The following CCSER1 variants were observed in gnomAD, a reference collection of about 807,000 sequenced individuals.
CCSER1 encodes the protein coiled-coil serine rich protein 1.
CCSER1 carries 41 observed loss-of-function variants against 82.0 expected under a neutral mutation model. The ratio of observed to expected loss-of-function variants is 0.50; its 90% CI spans 0.39 to 0.65. The LOEUF (loss-of-function observed/expected upper bound fraction) is 0.65. CCSER1 is among the 30% of genes least tolerant of loss of function. CCSER1 has a pLI of 0.00. For synonymous variants in CCSER1, 414 were observed against 383.9 expected (o/e 1.08, Z -0.92); for missense variants, 1,119 against 1,064.2 (o/e 1.05, Z -0.72).
chr4:90,276,639 C>G (rs576281456), intron 1 of CCSER1, among the ~76,000 whole-genome samples: 46 of 152,078 alleles, frequency 3.0e-4, no homozygotes, highest in Admixed American at 1.2e-3. Context: ...AGCCACTGTG[C>G]CTGGCCTTGA....
chr4:90,448,132 C>T (rs941313798), intron 4 of CCSER1, among the ~76,000 whole-genome samples: 2 of 151,840 alleles, frequency 1.3e-5, no homozygotes, highest in African/African-American at 4.8e-5. Flanking sequence ...TCTTTTTCTC[C>T]TTTAAAAAAT....
intron 3 of CCSER1, among the ~76,000 whole-genome samples, chr4:90,374,398 CT>C (rs1747959263): frequency 6.6e-6 from 1 of 152,124 alleles, no homozygotes; most frequent in African/African-American, 2.4e-5. Context: ...GCAAATTCGC[CT>C]CCTTTTTTGG....
At chr4:90,333,279 C>A (rs1440492571) in intron 3 of CCSER1, among the ~76,000 whole-genome samples, 1 of 152,070 alleles carries the variant, frequency 6.6e-6, no homozygotes. Flanking sequence ...TGCTCTCTTG[C>A]CTACACAGTT....
intron 10 of CCSER1, among the ~76,000 whole-genome samples, chr4:91,413,914 A>G (rs1469303120): frequency 6.6e-6 from 1 of 152,148 alleles, no homozygotes; most frequent in Non-Finnish European, 1.5e-5. Context: ...AGAAAAAAAA[A>G]CTATCAACCA....
At chr4:91,106,008 T>G (rs572694611) in intron 10 of CCSER1, among the ~76,000 whole-genome samples, 1 of 152,344 alleles carries the variant, frequency 6.6e-6, no homozygotes, top group African/African-American at 2.4e-5. Flanking sequence ...TCTGTATTAT[T>G]ATCTGATAAT....
chr4:91,084,919 A>T (rs941496745), intron 9 of CCSER1, among the ~76,000 whole-genome samples: 2 of 152,102 alleles, frequency 1.3e-5, no homozygotes, highest in Non-Finnish European at 2.9e-5. Flanking sequence ...TTTAAACATA[A>T]ATGCTGTAGC....
Position 91,598,665 on chromosome 4 carries a change from G to C in CCSER1, c.2311G>C (p.Ala771Pro), listed in dbSNP as rs1187254938. Reference protein sequence around the residue: ...TPTEDRFRYSAADQTSPYKNK... With the variant: ...TPTEDRFRYSPADQTSPYKNK... ...CACCGAGGACCGTTTTAGGTATTCG[G>C]CAGCGGACCAGACAAGCCCCTACAA... The change falls in exon 11 of 11, where the codon GCA (alanine) becomes CCA (proline). Residue 771 changes from alanine to proline, a missense_variant. Transcript: ENST00000509176. 6.4e-7 allele frequency: 1 copy of C among 1,551,288 alleles called. No individual in the cohort carries two copies. Among genetic ancestry groups the C allele is most frequent in the Non-Finnish European group, 8.7e-7 (1 of 1,146,886 alleles).
intron 10 of CCSER1, among the ~76,000 whole-genome samples, chr4:91,314,872 C>A (rs563872160): frequency 1.2e-3 from 176 of 151,944 alleles, no homozygotes; most frequent in African/African-American, 4.0e-3. Context: ...GCAGGGCTCC[C>A]TAAAGGTAAT....
chr4:90,211,865 A>C (rs909425748), intron 1 of CCSER1, among the ~76,000 whole-genome samples: 1 of 152,214 alleles, frequency 6.6e-6, no homozygotes, highest in East Asian at 1.9e-4. Context: ...CTGTAGGCAG[A>C]ATAGACAGAA....
intron 5 of CCSER1, among the ~76,000 whole-genome samples, chr4:90,532,906 A>G (rs1387713001): frequency 3.9e-5 from 6 of 152,068 alleles, no homozygotes; most frequent in Non-Finnish European, 8.8e-5. Flanking sequence ...GTTTCTGTTC[A>G]GGTCACTTTA....
chr4:90,670,178 A>G (rs1435801841), intron 6 of CCSER1, among the ~76,000 whole-genome samples: 1 of 152,144 alleles, frequency 6.6e-6, no homozygotes, highest in African/African-American at 2.4e-5. Flanking sequence ...ATTGAATACT[A>G]AAGATGCCAA....
chr4:91,487,752 C>A (rs934002877), intron 10 of CCSER1, among the ~76,000 whole-genome samples: 15 of 151,968 alleles, frequency 9.9e-5, no homozygotes, highest in Admixed American at 4.6e-4. Flanking sequence ...GTATCTGGTA[C>A]AGTATAAATT....
intron 1 of CCSER1, among the ~76,000 whole-genome samples, chr4:90,278,664 A>T (rs2153459111): frequency 6.6e-6 from 1 of 151,970 alleles, no homozygotes; most frequent in East Asian, 1.9e-4. Flanking sequence ...ATAGACATTG[A>T]GGACCACTAG....
intron 10 of CCSER1, among the ~76,000 whole-genome samples, chr4:91,122,704 G>A (rs916782901): frequency 1.3e-5 from 2 of 151,468 alleles, no homozygotes; most frequent in African/African-American, 4.8e-5. Flanking sequence ...TCATTATGAA[G>A]AAGGTCAAAA....
intron 4 of CCSER1, among the ~76,000 whole-genome samples, chr4:90,440,617 A>G (rs553892936): frequency 2.6e-5 from 4 of 152,230 alleles, no homozygotes; most frequent in Admixed American, 2.0e-4. Flanking sequence ...GTGTAAGGGT[A>G]GGGTAGGCTT....
At chr4:90,893,586 C>A (rs947812235) in intron 8 of CCSER1, among the ~76,000 whole-genome samples, 5 of 152,000 alleles carry the variant, frequency 3.3e-5, no homozygotes, top group African/African-American at 1.2e-4. Context: ...AAGCTGTGGC[C>A]ACCCATTCAC....
intron 5 of CCSER1, among the ~76,000 whole-genome samples, chr4:90,589,007 A>T (rs1035478210): frequency 3.3e-5 from 5 of 152,208 alleles, no homozygotes; most frequent in African/African-American, 1.2e-4. Context: ...AGTGTAGTTG[A>T]ACTATTATTA....
At chr4:90,600,114 C>T (rs1213345752) in intron 5 of CCSER1, among the ~76,000 whole-genome samples, 1 of 152,026 alleles carries the variant, frequency 6.6e-6, no homozygotes, top group African/African-American at 2.4e-5. Context: ...CATTGACCTG[C>T]TAATGGATAT....
At chr4:90,541,880 A>G (rs1293783314) in intron 5 of CCSER1, among the ~76,000 whole-genome samples, 1 of 152,094 alleles carries the variant, frequency 6.6e-6, no homozygotes, top group African/African-American at 2.4e-5. Context: ...TTTAAAATGT[A>G]TTCAACAACA....
Sources: allele counts gnomAD v4.1 joint callset (sites outside exome capture counted in the v4.1 genomes callset), GRCh38; gene constraint gnomAD v4.1.1; transcripts MANE v1.5; gene names NCBI Gene and HGNC (gene_info 2026-07-23, HGNC 2026-07-21).